The following GRID2 variants were observed in gnomAD, a reference collection of about 807,000 sequenced individuals.
The protein encoded by GRID2 is glutamate ionotropic receptor delta type subunit 2.
Under a neutral mutation model 114.8 loss-of-function variants are expected in GRID2, and 33 were observed. The observed-to-expected ratio is 0.29, with a 90% confidence interval of 0.22 to 0.38. The LOEUF is 0.38. Among genes scored for constraint, GRID2 ranks in the 10% least tolerant of loss-of-function variants. GRID2 has a pLI of 1.00. For synonymous variants in GRID2, 505 were observed against 449.9 expected (o/e 1.12, Z -1.55); for missense variants, 1,184 against 1,257.7 (o/e 0.94, Z 0.89).
intron 1 of GRID2, among the ~76,000 whole-genome samples, chr4:93,800,089 C>A (rs910012981): frequency 4.6e-5 from 7 of 152,222 alleles, no homozygotes; most frequent in African/African-American, 1.7e-4. Context: ...AATACCTAAC[C>A]TACCAAATTC....
At chr4:93,376,604 T>A (rs947084947) in intron 8 of GRID2, among the ~76,000 whole-genome samples, 1 of 152,194 alleles carries the variant, frequency 6.6e-6, no homozygotes, top group Non-Finnish European at 1.5e-5. Flanking sequence ...ACTGGTTATT[T>A]GATGACACTG....
chr4:92,358,126 CAG>C (rs1242176942), intron 1 of GRID2, among the ~76,000 whole-genome samples: 1 of 151,740 alleles, frequency 6.6e-6, no homozygotes, highest in African/African-American at 2.4e-5. Context: ...CAAGTCAAAA[CAG>C]AGAGGCATGA....
chr4:93,469,401 C>T (rs1352241719), intron 11 of GRID2, among the ~76,000 whole-genome samples: 2 of 151,816 alleles, frequency 1.3e-5, no homozygotes, highest in Admixed American at 1.3e-4. Flanking sequence ...ATAAGGCTTT[C>T]TTTTTAGAAA....
At chr4:93,797,996 T>C (rs1734841400) in intron 1 of GRID2, among the ~76,000 whole-genome samples, 1 of 151,534 alleles carries the variant, frequency 6.6e-6, no homozygotes. Flanking sequence ...CTACTAAAAA[T>C]ACAAAAATTA....
At chr4:93,407,346 CA>C (rs1286870846) in intron 9 of GRID2, among the ~76,000 whole-genome samples, 1 of 151,808 alleles carries the variant, frequency 6.6e-6, no homozygotes, top group Admixed American at 6.6e-5. Flanking sequence ...GGAAGATAAT[CA>C]AGGGGAGACC....
intron 13 of GRID2, among the ~76,000 whole-genome samples, chr4:93,606,991 T>C (rs1740311443): frequency 6.6e-6 from 1 of 152,138 alleles, no homozygotes. Context: ...AACTTGACTT[T>C]CAAAAAATCT....
intron 8 of GRID2, among the ~76,000 whole-genome samples, chr4:93,325,391 A>C (rs1384470616): frequency 6.6e-6 from 1 of 152,050 alleles, no homozygotes; most frequent in Non-Finnish European, 1.5e-5. Flanking sequence ...GTTCTGACTC[A>C]TTCACTCTGC....
intron 2 of GRID2, among the ~76,000 whole-genome samples, chr4:92,678,461 C>T (rs1025513615): frequency 6.6e-6 from 1 of 151,960 alleles, no homozygotes; most frequent in Non-Finnish European, 1.5e-5. Flanking sequence ...AAATTACTAT[C>T]GTAGAAGCAA....
At chr4:93,496,535 C>T (rs1313839836) in intron 12 of GRID2, among the ~76,000 whole-genome samples, 1 of 151,736 alleles carries the variant, frequency 6.6e-6, no homozygotes, top group African/African-American at 2.4e-5. Flanking sequence ...CACATTCACC[C>T]TTCCTTACCA....
At chr4:93,045,231 A>G (rs1369565018) in intron 2 of GRID2, among the ~76,000 whole-genome samples, 1 of 151,496 alleles carries the variant, frequency 6.6e-6, no homozygotes, top group Non-Finnish European at 1.5e-5. Flanking sequence ...TAGACAGTAA[A>G]CTCTTGCCTT....
At chr4:93,499,431 G>A (rs1010888536) in intron 12 of GRID2, among the ~76,000 whole-genome samples, 2 of 151,814 alleles carry the variant, frequency 1.3e-5, no homozygotes, top group Non-Finnish European at 2.9e-5. Flanking sequence ...AGCATATTGA[G>A]CCCTTCTTTC....
In GRID2 at chr4:93,402,281, G is replaced by T. The variant is rs143919537; in HGVS notation, c.1347+6573G>T. Among the ~76,000 whole-genome samples, 122 of 152,056 alleles carry T rather than the reference G, an allele frequency of 8.0e-4. 1 individual carries two copies. In the East Asian group the frequency reaches 0.019, roughly 24 times the overall value. ...TAGTTTTTCTGCTTAATTGATCTTTGAATTTATGGAAACCAAGACGCTGTT... is the reference window on the plus strand; with the variant it reads ...TAGTTTTTCTGCTTAATTGATCTTTTAATTTATGGAAACCAAGACGCTGTT... On this transcript the variant is annotated intron_variant, in intron 9 of 15. Transcript: ENST00000282020.
At chr4:93,208,978 A>G (rs1206882150) in intron 5 of GRID2, among the ~76,000 whole-genome samples, 3 of 152,072 alleles carry the variant, frequency 2.0e-5, no homozygotes, top group Non-Finnish European at 4.4e-5. Flanking sequence ...CTCCAAGGAA[A>G]CTAAGTTTCA....
At chr4:93,404,668 A>G (rs1766235982) in intron 9 of GRID2, among the ~76,000 whole-genome samples, 1 of 152,122 alleles carries the variant, frequency 6.6e-6, no homozygotes. Flanking sequence ...TTATGCACAG[A>G]CTGTTAAGGG....
intron 10 of GRID2, among the ~76,000 whole-genome samples, chr4:93,439,624 A>G (rs1301534063): frequency 6.6e-6 from 1 of 152,124 alleles, no homozygotes. Context: ...GATTAATAGG[A>G]AGATCATGCA....
intron 1 of GRID2, among the ~76,000 whole-genome samples, chr4:92,350,326 C>G (rs1454190574): frequency 1.3e-5 from 2 of 151,848 alleles, no homozygotes; most frequent in Non-Finnish European, 2.9e-5. Context: ...TACTCTCTCT[C>G]TTTCTTTATA....
intron 1 of GRID2, among the ~76,000 whole-genome samples, chr4:92,515,867 C>T (rs1724477108): frequency 6.6e-6 from 1 of 151,950 alleles, no homozygotes; most frequent in African/African-American, 2.4e-5. Context: ...TATTCTGACA[C>T]TAGTTTCTCA....
intron 2 of GRID2, among the ~76,000 whole-genome samples, chr4:93,056,797 C>T (rs1472507743): frequency 6.6e-6 from 1 of 151,894 alleles, no homozygotes; most frequent in Non-Finnish European, 1.5e-5. Context: ...TCAAGTTTCT[C>T]ACCTATTGCT....
chr4:92,990,504 G>A (rs1464861507), intron 2 of GRID2, among the ~76,000 whole-genome samples: 1 of 151,528 alleles, frequency 6.6e-6, no homozygotes, highest in Non-Finnish European at 1.5e-5. Flanking sequence ...GAGACGGTGC[G>A]GGGATTCATC....
Sources: gnomAD v4.1 joint callset for allele counts (sites outside exome capture counted in the v4.1 genomes callset) on GRCh38, gnomAD v4.1.1 for gene constraint, MANE v1.5 for transcripts, NCBI Gene and HGNC (gene_info 2026-07-23, HGNC 2026-07-21) for gene names.